ITSN1: variants seen among roughly 807,000 people sequenced by gnomAD.
ITSN1 encodes the protein intersectin-1.
ITSN1 carries 58 observed loss-of-function variants against 239.8 expected under a neutral mutation model. The ratio of observed to expected loss-of-function variants is 0.24; its 90% CI spans 0.20 to 0.30. The LOEUF is 0.30. ITSN1 is among the 10% of genes least tolerant of loss of function. The probability of loss-of-function intolerance (pLI) is 1.00; values close to 1 mark genes in which losing one functional copy is unlikely to be tolerated. For missense variants in ITSN1, 1,558 were observed against 2,103.3 expected, an observed-to-expected ratio of 0.74 and a Z score of 5.07; for synonymous variants, 780 against 770.8, an observed-to-expected ratio of 1.01 and a Z score of -0.20.
In ITSN1 at chr21:33,834,423, A is replaced by G. The variant is rs568021596; in HGVS notation, c.3468A>G (p.Ala1156=). The change falls in exon 28 of 40, where the codon GCA becomes GCG. Residue 1156 remains alanine (A), a splice_region_variant and synonymous_variant. Coordinates refer to ENST00000381318, the MANE Select transcript of ITSN1 (RefSeq NM_003024.3). ...TEPPKSTALA[A]VCQVIGMYDY... Reference sequence around the variant, plus strand: ...CACCTAAGTCAACAGCATTAGCGGCAGGTAAGGAGTTTCGCATCTCTAACT... The same window carrying G: ...CACCTAAGTCAACAGCATTAGCGGCGGGTAAGGAGTTTCGCATCTCTAACT... 1.6e-5 allele frequency: 25 copies of G among 1,605,860 alleles called. No homozygotes were observed. In the South Asian group the frequency reaches 2.5e-4, roughly 16 times the overall value.
At chr21:33,696,096 C>T (rs894667846) in intron 1 of ITSN1, among the ~76,000 whole-genome samples, 2 of 152,136 alleles carry the variant, frequency 1.3e-5, no homozygotes, top group Admixed American at 6.6e-5. Flanking sequence ...CTTAGCAGAG[C>T]GCAGTTGGTT....
At chr21:33,676,804 G>T (rs1005205018) in intron 1 of ITSN1, among the ~76,000 whole-genome samples, 1 of 152,122 alleles carries the variant, frequency 6.6e-6, no homozygotes, top group Admixed American at 6.6e-5. Context: ...AGTTTGTTCG[G>T]AATGATGGTT....
Position 33,750,252 on chromosome 21 carries a change from A to G in ITSN1, c.456A>G (p.Thr152=). The G allele has an allele frequency of 1.9e-6, 3 of 1,614,142 alleles. No homozygotes were observed. Among genetic ancestry groups the G allele is most frequent in the Non-Finnish European group, 2.5e-6 (3 of 1,180,022 alleles). ...CAACCCTAGTATCTTCTGTTCCCAC[A>G]GCAGCTGTGCCCCCCCTGGCTAACG... The part of the protein sequence containing the change: ...MSPTLVSSVP[T]AAVPPLANGA... Residue 152 remains threonine (T), a synonymous_variant, in exon 6 of 40, where the codon ACA becomes ACG. Coordinates refer to ENST00000381318, the MANE Select transcript of ITSN1 (RefSeq NM_003024.3).
At chr21:33,692,358 C>T (rs1485642593) in intron 1 of ITSN1, among the ~76,000 whole-genome samples, 1 of 152,204 alleles carries the variant, frequency 6.6e-6, no homozygotes, top group Non-Finnish European at 1.5e-5. Flanking sequence ...AACTTTAAAG[C>T]ATTGATCATC....
chr21:33,861,305 G>A, intron 31 of ITSN1, among the ~76,000 whole-genome samples: 1 of 152,132 alleles, frequency 6.6e-6, no homozygotes. Context: ...GGAGGCATTT[G>A]AGGATAAGAA....
rs1258411835 is a variant in ITSN1, at chr21:33,735,059, GAAT to G, written c.205_207del (p.Asn69del). ...TGGTTTGCAGGGCACTAGCTGACAT[GAAT>G]AATGATGGAAGAATGGATCAAGTGG... On this transcript the variant is annotated inframe_deletion, in exon 5 of 40. Coordinates refer to ENST00000381318, the MANE Select transcript of ITSN1 (RefSeq NM_003024.3). 1 of 1,612,700 alleles carries G rather than the reference GAAT, an allele frequency of 6.2e-7. No homozygotes were observed. The highest frequency in any genetic ancestry group is 8.5e-7 in the Non-Finnish European group (1 of 1,179,542).
chr21:33,818,139 T>C, intron 22 of ITSN1, 128 bp from the exon 23 acceptor site: 2 of 709,702 alleles, frequency 2.8e-6, no homozygotes, highest in Non-Finnish European at 4.8e-6. Context: ...CTGTGCTGCC[T>C]CAGGGCCCTT....
intron 3 of ITSN1, among the ~76,000 whole-genome samples, chr21:33,721,584 T>C (rs923736387): frequency 9.2e-5 from 14 of 151,894 alleles, no homozygotes; most frequent in African/African-American, 3.4e-4. Flanking sequence ...TCCCTTGAGG[T>C]CAGGAGTTCC....
intron 22 of ITSN1, 103 bp from the exon 23 acceptor site, chr21:33,818,164 C>A: frequency 1.1e-6 from 1 of 888,526 alleles, no homozygotes; most frequent in Middle Eastern, 2.2e-4. Flanking sequence ...GCTGTGTGTG[C>A]TTGTCTGGCC....
At chr21:33,702,263 C>T (rs2092057600) in intron 1 of ITSN1, among the ~76,000 whole-genome samples, 1 of 151,634 alleles carries the variant, frequency 6.6e-6, no homozygotes, top group African/African-American at 2.4e-5. Context: ...ATTACAGGTG[C>T]TCACCACCAC....
chr21:33,885,288 A>G (rs908742362), intron 37 of ITSN1, 151 bp from the exon 38 acceptor site: 3 of 976,768 alleles, frequency 3.1e-6, no homozygotes, highest in African/African-American at 3.2e-5. Context: ...ATGGAGGGCA[A>G]ATTCCAGGAG....
At chr21:33,783,058 A>C (rs2070336606) in intron 16 of ITSN1, among the ~76,000 whole-genome samples, 1 of 152,128 alleles carries the variant, frequency 6.6e-6, no homozygotes, top group Non-Finnish European at 1.5e-5. Context: ...TTAAAATCAG[A>C]ACACAAACAG....
chr21:33,880,118 T>C (rs1322672662), intron 34 of ITSN1, among the ~76,000 whole-genome samples: 2 of 152,216 alleles, frequency 1.3e-5, no homozygotes, highest in African/African-American at 4.8e-5. Context: ...GAAGGGGATG[T>C]GTTGACTTCT....
In ITSN1 at chr21:33,814,178, G is replaced by A; in HGVS notation, c.2727+106G>A. ...CATTTTGAAGCAAGCCTTGTTATGT[G>A]TGTCTTGGTTGGCTGGCAGTATGGG... On this transcript the variant is annotated intron_variant, in intron 22 of 39. Coordinates refer to ENST00000381318, the MANE Select transcript of ITSN1 (RefSeq NM_003024.3). 4 of 1,260,284 alleles carry A rather than the reference G, an allele frequency of 3.2e-6. No homozygotes were observed. The South Asian group carries it at 5.9e-5, about 19-fold the overall frequency. The allele number at this position is 1,260,284 out of a possible 1,614,324, so 78.1% of individuals were successfully genotyped here. A position where few individuals can be genotyped will look rare whatever the true frequency, so the allele number is the denominator to read the frequency against.
intron 1 of ITSN1, among the ~76,000 whole-genome samples, chr21:33,650,530 A>G (rs1350217560): frequency 6.6e-6 from 1 of 152,248 alleles, no homozygotes; most frequent in African/African-American, 2.4e-5. Context: ...CCAGTGTGTT[A>G]TCTATAATAG....
intron 18 of ITSN1, among the ~76,000 whole-genome samples, 200 bp from the exon 19 acceptor site, chr21:33,799,608 T>C (rs569852987): frequency 6.6e-6 from 1 of 151,740 alleles, no homozygotes; most frequent in Admixed American, 6.5e-5. Flanking sequence ...ATGAACTCTC[T>C]CATGGGTTTT....
intron 16 of ITSN1, among the ~76,000 whole-genome samples, chr21:33,782,651 A>C (rs2070292841): frequency 6.6e-6 from 1 of 152,182 alleles, no homozygotes; most frequent in South Asian, 2.1e-4. Context: ...CAAAACTCTG[A>C]GGAAATGTAA....
intron 24 of ITSN1, 41 bp downstream of exon 24, chr21:33,819,364 G>A: frequency 7.0e-7 from 1 of 1,418,916 alleles, no homozygotes; most frequent in Non-Finnish European, 9.9e-7. Context: ...GAAGGGTCAA[G>A]GACATTGTGT....
intron 1 of ITSN1, among the ~76,000 whole-genome samples, chr21:33,662,084 G>T (rs2089602992): frequency 6.6e-6 from 1 of 152,034 alleles, no homozygotes; most frequent in Non-Finnish European, 1.5e-5. Flanking sequence ...CTGTATCCCT[G>T]TTGACCTTCC....
Sources: gnomAD v4.1 joint callset for allele counts (sites outside exome capture counted in the v4.1 genomes callset) on GRCh38, gnomAD v4.1.1 for gene constraint, MANE v1.5 for transcripts, NCBI Gene and HGNC (gene_info 2026-07-23, HGNC 2026-07-21) for gene names.